Variants in ANKEF1 observed in about 807,000 individuals in gnomAD.
ANKEF1 encodes the protein ankyrin repeat and EF-hand domain containing 1.
In ANKEF1, 43 loss-of-function variants were observed where a neutral mutation model predicts 65.1. The observed-to-expected ratio is 0.66, with a 90% CI of 0.52 to 0.85. ANKEF1 has a LOEUF of 0.85. ANKEF1 is among the 40% of genes least tolerant of loss of function. ANKEF1 has a pLI of 0.00. For synonymous variants in ANKEF1, 316 were observed against 341.5 expected, an observed-to-expected ratio of 0.93 and a Z score of 0.82; for missense variants, 934 against 952.9, an observed-to-expected ratio of 0.98 and a Z score of 0.26.
rs1288197010 is a variant in ANKEF1 at position 10,056,954 on chromosome 20, T to C, written c.*1294T>C. The C allele has an allele frequency of 6.6e-6, 1 of 152,196 alleles. No individual in the cohort carries two copies. Among genetic ancestry groups the C allele is most frequent in the African/African-American group, 2.4e-5 (1 of 41,452 alleles). 9.4% of individuals were successfully genotyped at this position (152,196 alleles called of 1,614,324 possible). On this transcript the variant is annotated 3_prime_UTR_variant, in exon 11 of 11. Transcript: ENST00000378392. ...TACTGGGTGCTACAACCTAGCCAAG[T>C]TGAGTCATAAAACTGACCATCTCTG...
intron 4 of ANKEF1, 57 bp downstream of exon 4, chr20:10,043,378 T>A: frequency 2.7e-6 from 4 of 1,501,634 alleles, no homozygotes; most frequent in Non-Finnish European, 3.7e-6. Flanking sequence ...CATAGTATAA[T>A]CTTTTCATTT....
At chr20:10,038,780 C>T (rs1316644344) in intron 3 of ANKEF1, 133 bp downstream of exon 3, 2 of 673,468 alleles carry the variant, frequency 3.0e-6, no homozygotes, top group Non-Finnish European at 5.0e-6. Flanking sequence ...TAAATTCTCA[C>T]TCCTATACCT....
intron 6 of ANKEF1, among the ~76,000 whole-genome samples, chr20:10,047,025 T>G (rs1984559048): frequency 6.6e-6 from 1 of 152,248 alleles, no homozygotes; most frequent in Non-Finnish European, 1.5e-5. Flanking sequence ...CAGTTTATTC[T>G]GACATTTCAG....
chr20:10,051,434 C>T (rs1296130972), intron 7 of ANKEF1, among the ~76,000 whole-genome samples: 1 of 152,058 alleles, frequency 6.6e-6, no homozygotes, highest in Non-Finnish European at 1.5e-5. Context: ...TTGATTTTAA[C>T]CTTTGCAAAT....
chr20:10,039,064 TAGC>T (rs1174821315), intron 3 of ANKEF1, among the ~76,000 whole-genome samples: 1 of 152,228 alleles, frequency 6.6e-6, no homozygotes, highest in African/African-American at 2.4e-5. Context: ...ACCCCCTCAA[TAGC>T]AGTCTGATGT....
Position 10,055,700 on chromosome 20 carries a change from C to T in ANKEF1, c.*40C>T. ...TTCTTGGGGTAAATGCTTTGAGGCC[C>T]AGGGACCAATCTTTGGAGAAAGTAG... On this transcript the variant is annotated 3_prime_UTR_variant, in exon 11 of 11. Coordinates refer to ENST00000378392, the MANE Select transcript of ANKEF1 (RefSeq NM_022096.6). 6.2e-7 allele frequency: 1 copy of T among 1,606,876 alleles called. No individual in the cohort carries two copies. Among genetic ancestry groups the T allele is most frequent in the African/African-American group, 1.3e-5 (1 of 74,858 alleles).
intron 6 of ANKEF1, among the ~76,000 whole-genome samples, chr20:10,046,289 T>G (rs1045623285): frequency 6.6e-6 from 1 of 152,198 alleles, no homozygotes; most frequent in Admixed American, 6.5e-5. Flanking sequence ...GTTCCTTATT[T>G]TAAAAATGCC....
At position 10,055,498 on chromosome 20, in the gene ANKEF1, T is replaced by G; in HGVS notation, c.2173-4T>G. Reference sequence around the variant, plus strand: ...GCTGGGGTATGGCTATTTTTCTTTTTAAGATTTGGAGTCCTGAAGCCACAA... The same window carrying G: ...GCTGGGGTATGGCTATTTTTCTTTTGAAGATTTGGAGTCCTGAAGCCACAA... On this transcript the variant is annotated splice_region_variant and splice_polypyrimidine_tract_variant and intron_variant, in intron 10 of 10. Transcript: ENST00000378392. 1 of 1,613,108 alleles carries G rather than the reference T, an allele frequency of 6.2e-7. No homozygotes were observed. The highest frequency in any genetic ancestry group is 8.5e-7 in the Non-Finnish European group (1 of 1,179,422).
Position 10,043,193 on chromosome 20 carries a change from G to T in ANKEF1, c.418G>T (p.Ala140Ser). The change falls in exon 4 of 11, where the codon GCA (alanine) becomes TCA (serine). Residue 140 changes from alanine (A) to serine (S), a missense_variant. Coordinates refer to ENST00000378392, the MANE Select transcript of ANKEF1 (RefSeq NM_022096.6). ...RCALIALEHGADVNNSTYEGK... is the reference protein window; with the variant it reads ...RCALIALEHGSDVNNSTYEGK... ...TGCTCTGATCGCCCTTGAACATGGT[G>T]CAGATGTCAACAATTCTACCTATGA... is the stretch of plus-strand genomic sequence containing the variant. 6.2e-7 allele frequency: 1 copy of T among 1,614,152 alleles called. No homozygotes were observed. Among genetic ancestry groups the T allele is most frequent in the Non-Finnish European group, 8.5e-7 (1 of 1,180,026 alleles).
chr20:10,036,265 T>C (rs368482652), intron 2 of ANKEF1, among the ~76,000 whole-genome samples: 8 of 152,356 alleles, frequency 5.3e-5, no homozygotes, highest in Admixed American at 4.6e-4. Flanking sequence ...AGAGGCAACA[T>C]TGAAGTCCCT....
chr20:10,037,129 G>C (rs1803046171), intron 2 of ANKEF1, among the ~76,000 whole-genome samples: 1 of 152,172 alleles, frequency 6.6e-6, no homozygotes, highest in African/African-American at 2.4e-5. Context: ...AACTTTTGTA[G>C]TAAGATGGAA....
intron 3 of ANKEF1, among the ~76,000 whole-genome samples, chr20:10,041,089 A>G (rs536679760): frequency 2.0e-5 from 3 of 151,664 alleles, no homozygotes; most frequent in African/African-American, 4.8e-5. Flanking sequence ...ATTTATAGTT[A>G]TCTAGATTTC....
chr20:10,038,363 G>A lies in ANKEF1; in HGVS notation c.62G>A (p.Arg21Gln), dbSNP rs760875632. ...LQIYKVLQCV[R>Q]NKDKKQIEKL... The stretch of plus-strand genomic sequence containing the variant: ...ATCTACAAAGTTCTTCAATGTGTGC[G>A]GAACAAAGACAAGAAGCAGATAGAG... The change falls in exon 3 of 11, where the codon CGG (arginine) becomes CAG (glutamine). Residue 21 changes from arginine to glutamine, a missense_variant. By Grantham distance (43) the Arg-to-Gln change is conservative (BLOSUM62 1). Coordinates refer to ENST00000378392, the MANE Select transcript of ANKEF1 (RefSeq NM_022096.6). 6.8e-6 allele frequency: 11 copies of A among 1,612,542 alleles called. No individual in the cohort carries two copies. The highest frequency in any genetic ancestry group is 2.7e-5 in the African/African-American group (2 of 74,908).
intron 3 of ANKEF1, 147 bp from the exon 4 acceptor site, chr20:10,042,975 G>C (rs752514333): frequency 4.1e-6 from 3 of 728,288 alleles, no homozygotes; most frequent in Non-Finnish European, 4.4e-6. Context: ...TTTGTTTTCT[G>C]TCTTGGTGTT....
rs1985221324 is a variant in ANKEF1 at position 10,057,179 on chromosome 20, T to A, written c.*1519T>A. The A allele has an allele frequency of 6.6e-6, 1 of 151,992 alleles. No homozygotes were observed. The highest frequency in any genetic ancestry group is 1.5e-5 in the Non-Finnish European group (1 of 68,008). 9.4% of individuals were successfully genotyped at this position (151,992 alleles called of 1,614,324 possible). Reference sequence around the variant, plus strand: ...TGGATTAAACCCCTTTCCTCTAACCTCCTCCCTCTCTTTCCAACCTTGGAG... The same window carrying A: ...TGGATTAAACCCCTTTCCTCTAACCACCTCCCTCTCTTTCCAACCTTGGAG... On this transcript the variant is annotated 3_prime_UTR_variant, in exon 11 of 11. Transcript: ENST00000378392.
intron 4 of ANKEF1, among the ~76,000 whole-genome samples, 163 bp from the exon 5 acceptor site, chr20:10,044,231 C>T (rs529316906): frequency 6.6e-6 from 1 of 152,220 alleles, no homozygotes; most frequent in African/African-American, 2.4e-5. Context: ...ATTGTACTTG[C>T]TTAATTTTTC....
At chr20:10,038,717 CTT>C (rs1984011208) in intron 3 of ANKEF1, 70 bp downstream of exon 3, 1 of 1,245,642 alleles carries the variant, frequency 8.0e-7, no homozygotes, top group Non-Finnish European at 1.1e-6. Flanking sequence ...AACATGGACT[CTT>C]TTTGTTTTCC....
intron 8 of ANKEF1, among the ~76,000 whole-genome samples, chr20:10,052,358 A>G (rs1439154245): frequency 1.3e-5 from 2 of 152,182 alleles, no homozygotes; most frequent in Non-Finnish European, 2.9e-5. Context: ...GTTAATTACT[A>G]ATAATTGCAT....
intron 8 of ANKEF1, among the ~76,000 whole-genome samples, chr20:10,052,624 C>T (rs1984932828): frequency 6.6e-6 from 1 of 152,146 alleles, no homozygotes; most frequent in Admixed American, 6.6e-5. Flanking sequence ...ACAGATACTA[C>T]TGCACCTGTC....
Sources: allele counts gnomAD v4.1 joint callset (sites outside exome capture counted in the v4.1 genomes callset), GRCh38; gene constraint gnomAD v4.1.1; transcripts MANE v1.5; gene names NCBI Gene and HGNC (gene_info 2026-07-23, HGNC 2026-07-21).